FRMPD2: variants seen among roughly 807,000 people sequenced by gnomAD.
The protein encoded by FRMPD2 is FERM and PDZ domain containing 2, also known as FERM and PDZ domain-containing protein 2.
In FRMPD2, 96 loss-of-function variants were observed where a neutral mutation model predicts 140.1. The observed-to-expected ratio is 0.69, with a 90% confidence interval of 0.58 to 0.81. FRMPD2 has a LOEUF of 0.81. Among genes scored for constraint, FRMPD2 ranks in the 40% least tolerant of loss-of-function variants. The pLI, the probability that FRMPD2 is intolerant of heterozygous loss-of-function variation, is 0.00. For synonymous variants in FRMPD2, 449 were observed against 547.6 expected, an observed-to-expected ratio of 0.82 and a Z score of 2.52; for missense variants, 1,240 against 1,447.4, an observed-to-expected ratio of 0.86 and a Z score of 2.32.
intron 15 of FRMPD2, chr10:48,199,663 C>A (rs1440683293): frequency 6.6e-6 from 1 of 152,148 alleles, no homozygotes; most frequent in African/African-American, 2.4e-5. Flanking sequence ...CTGCCTCTTC[C>A]GTAATCTGGT....
At chr10:48,191,588 T>C (rs532033755) in intron 16 of FRMPD2, among the ~76,000 whole-genome samples, 3 of 152,296 alleles carry the variant, frequency 2.0e-5, no homozygotes, top group African/African-American at 4.8e-5. Flanking sequence ...ATTATGGATA[T>C]AGATATAGGT....
chr10:48,235,756 A>G (rs940380242), intron 9 of FRMPD2, among the ~76,000 whole-genome samples: 3 of 152,220 alleles, frequency 2.0e-5, no homozygotes, highest in East Asian at 3.9e-4. Flanking sequence ...CTCGGCCCCA[A>G]CTGGGCCCTG....
Position 48,251,658 on chromosome 10 carries a change from GC to G in FRMPD2, c.58del (p.Ala20ProfsTer60). On this transcript the variant is annotated frameshift_variant, in exon 2 of 29. Coordinates refer to ENST00000374201, the MANE Select transcript of FRMPD2 (RefSeq NM_001018071.4). LOFTEE classifies it high-confidence loss of function. Reference sequence around the variant, plus strand: ...CAGAGCTTCACCCCTGACCTGTAGGGCGCTGGCCAGCGTCACAGAGGACAGG... The same window carrying G: ...CAGAGCTTCACCCCTGACCTGTAGGGGCTGGCCAGCGTCACAGAGGACAGG... ...MSLSSVTLAS[A>X]LQVRGEALSE... The G allele has an allele frequency of 6.2e-7, 1 of 1,614,194 alleles. No individual in the cohort carries two copies. The highest frequency in any genetic ancestry group is 2.2e-5 in the East Asian group (1 of 44,880).
At position 48,196,105 on chromosome 10, in the gene FRMPD2, C is replaced by T. The variant is rs373562788; in HGVS notation, c.1955-3211G>A. On this transcript the variant is annotated intron_variant, in intron 15 of 28. Transcript: ENST00000374201. ...GAAGGAGTTAGGAACGTGCTGCAGG[C>T]AGAGGGTATGCTGGGCACAAAAGCC... is the stretch of plus-strand genomic sequence containing the variant. 3.9e-5 allele frequency among the ~76,000 whole-genome samples: 6 copies of T among 152,146 alleles called. No homozygotes were observed. The South Asian group carries it at 6.3e-4, about 16-fold the overall frequency.
At chr10:48,256,082 T>C (rs1223570912) in intron 1 of FRMPD2, among the ~76,000 whole-genome samples, 1 of 152,230 alleles carries the variant, frequency 6.6e-6, no homozygotes, top group Admixed American at 6.5e-5. Context: ...GACACTGGCC[T>C]GTGGCTGAGT....
chr10:48,231,180 T>C (rs1337207031), intron 10 of FRMPD2, among the ~76,000 whole-genome samples: 6 of 152,152 alleles, frequency 3.9e-5, no homozygotes, highest in Non-Finnish European at 8.8e-5. Context: ...AGCAATAACT[T>C]GATCAAAAGG....
chr10:48,258,022 T>C (rs1407911414), intron 1 of FRMPD2, among the ~76,000 whole-genome samples: 1 of 152,220 alleles, frequency 6.6e-6, no homozygotes, highest in Non-Finnish European at 1.5e-5. Context: ...AATATCTCCA[T>C]GACACCCTAG....
At chr10:48,273,050 A>G (rs1840796397) in intron 1 of FRMPD2, among the ~76,000 whole-genome samples, 2 of 152,224 alleles carry the variant, frequency 1.3e-5, no homozygotes, top group African/African-American at 4.8e-5. Context: ...AGTATTTTAT[A>G]TTTTATTACT....
At chr10:48,254,492 T>C (rs1354325080) in intron 1 of FRMPD2, among the ~76,000 whole-genome samples, 1 of 152,232 alleles carries the variant, frequency 6.6e-6, no homozygotes, top group African/African-American at 2.4e-5. Flanking sequence ...TGATAGATTA[T>C]GAAGTAAGAT....
rs140258145 is a variant in FRMPD2, at chr10:48,256,586, C to T, written c.26-4895G>A. Reference sequence around the variant, plus strand: ...AACCCTCTGGAATGCCCTGGAGACACTCCTGCATTGGGACAGAGGTTGGAC... The same window carrying T: ...AACCCTCTGGAATGCCCTGGAGACATTCCTGCATTGGGACAGAGGTTGGAC... On this transcript the variant is annotated intron_variant, in intron 1 of 28. Transcript: ENST00000374201. 1.2e-4 allele frequency among the ~76,000 whole-genome samples: 18 copies of T among 152,302 alleles called. No homozygotes were observed. The South Asian group carries it at 2.3e-3, about 19-fold the overall frequency.
intron 16 of FRMPD2, among the ~76,000 whole-genome samples, chr10:48,188,911 ACGGCAGCGG>A (rs1198715788): frequency 6.6e-6 from 1 of 152,176 alleles, no homozygotes; most frequent in African/African-American, 2.4e-5. Flanking sequence ...CAGGAGGAGC[ACGGCAGCGG>A]CCAGGGGCTA....
chr10:48,229,911 CA>C (rs1669063338), intron 10 of FRMPD2, among the ~76,000 whole-genome samples: 1 of 152,094 alleles, frequency 6.6e-6, no homozygotes, highest in African/African-American at 2.4e-5. Flanking sequence ...TGACAAGTTA[CA>C]GGTTTCTGAT....
intron 25 of FRMPD2, 113 bp downstream of exon 25, chr10:48,172,833 C>T: frequency 1.2e-6 from 1 of 851,008 alleles, no homozygotes; most frequent in Non-Finnish European, 2.0e-6. Flanking sequence ...CTATGGCTCG[C>T]TTTCTTTTCA....
At chr10:48,269,081 A>G (rs1376816123) in intron 1 of FRMPD2, among the ~76,000 whole-genome samples, 1 of 152,268 alleles carries the variant, frequency 6.6e-6, no homozygotes, top group Non-Finnish European at 1.5e-5. Flanking sequence ...TTAAAAGTTA[A>G]GAAATAAACA....
At chr10:48,236,021 T>G (rs1839958180) in intron 9 of FRMPD2, among the ~76,000 whole-genome samples, 1 of 152,138 alleles carries the variant, frequency 6.6e-6, no homozygotes, top group Non-Finnish European at 1.5e-5. Context: ...CCACCTGCCA[T>G]GCTCCATCCT....
intron 13 of FRMPD2, among the ~76,000 whole-genome samples, chr10:48,211,520 C>T (rs61840043): frequency 0.034 from 5,192 of 152,116 alleles, 111 homozygotes; most frequent in Non-Finnish European, 0.042. Context: ...CAGTGGCTCC[C>T]ACCTGTAGTC....
chr10:48,212,246 G>T, intron 12 of FRMPD2, 137 bp from the exon 13 acceptor site: 5 of 782,362 alleles, frequency 6.4e-6, no homozygotes, highest in Non-Finnish European at 1.0e-5. Flanking sequence ...GCCCACCTGG[G>T]ATATTATTTT....
intron 12 of FRMPD2, among the ~76,000 whole-genome samples, chr10:48,222,047 T>C (rs1839604699): frequency 6.6e-6 from 1 of 150,432 alleles, no homozygotes; most frequent in Non-Finnish European, 1.5e-5. Flanking sequence ...TATGAATAGG[T>C]AGGTGGGTGG....
At chr10:48,179,834 C>A (rs1432590091) in intron 21 of FRMPD2, among the ~76,000 whole-genome samples, 1 of 152,152 alleles carries the variant, frequency 6.6e-6, no homozygotes, top group African/African-American at 2.4e-5. Flanking sequence ...GTTGTCCCAG[C>A]AAGAATGAGA....
Sources: gnomAD v4.1 joint callset for allele counts (sites outside exome capture counted in the v4.1 genomes callset) on GRCh38, gnomAD v4.1.1 for gene constraint, MANE v1.5 for transcripts, NCBI Gene and HGNC (gene_info 2026-07-23, HGNC 2026-07-21) for gene names.